Variants in GCA observed in about 807,000 individuals in gnomAD.
GCA encodes the protein grancalcin, EF-hand calcium-binding protein.
Under a neutral mutation model 32.6 loss-of-function variants are expected in GCA, and 30 were observed. That is an observed-to-expected ratio of 0.92 (90% CI 0.69 to 1.25). The LOEUF (loss-of-function observed/expected upper bound fraction) is 1.25. Among genes scored for constraint, GCA ranks in the 50% most tolerant of loss-of-function variants. GCA has a pLI of 0.00. For missense variants in GCA, 291 were observed against 266.8 expected (o/e 1.09, Z -0.63); for synonymous variants, 102 against 84.6 (o/e 1.21, Z -1.13).
At chr2:162,365,161 T>C (rs1685711865), downstream of GCA, among the ~76,000 whole-genome samples, 1 of 151,490 alleles carries the variant, frequency 6.6e-6, no homozygotes, top group African/African-American at 2.4e-5. Flanking sequence ...ATTTACTTTC[T>C]TTTTCCCCAA....
chr2:162,345,131 G>GGTGGTGGTTGTGGTTGTGGTTGTGGTT (rs146219747), intron 1 of GCA, among the ~76,000 whole-genome samples: 2 of 144,232 alleles, frequency 1.4e-5, no homozygotes, highest in African/African-American at 5.3e-5. Flanking sequence ...TGGTGGTGGT[G>GGTGGTGGTTGTGGTTGTGGTTGTGGTT]GTGGTTGTGG....
chr2:162,321,513 C>T (rs940779195), intron 1 of GCA, among the ~76,000 whole-genome samples: 4 of 152,024 alleles, frequency 2.6e-5, no homozygotes, highest in African/African-American at 7.2e-5. Context: ...TACTTGTTTG[C>T]TCATTTGTAT....
rs545778251 is a variant in GCA at position 162,360,945 on chromosome 2, C to A, written c.*702C>A. ...TAGTATTTCTCTCTGCGTCCTATTT[C>A]ATTAGTGAAGACATAGTTCACCTAA... On this transcript the variant is annotated 3_prime_UTR_variant, in exon 8 of 8. Coordinates refer to ENST00000437150, the MANE Select transcript of GCA (RefSeq NM_012198.5). The A allele has an allele frequency of 6.4e-5, 73 of 1,140,148 alleles. No homozygotes were observed. In the East Asian group the frequency reaches 2.8e-3, roughly 43 times the overall value. 70.6% of individuals were successfully genotyped at this position (1,140,148 alleles called of 1,614,324 possible). A position where few individuals can be genotyped will look rare whatever the true frequency, so the allele number is the denominator to read the frequency against.
rs1480538554 is a variant in GCA at position 162,362,807 on chromosome 2, G to A, written c.*2564G>A. 6.6e-6 allele frequency among the ~76,000 whole-genome samples: 1 copy of A among 151,238 alleles called. No individual in the cohort carries two copies. Among genetic ancestry groups the A allele is most frequent in the Non-Finnish European group, 1.5e-5 (1 of 67,502 alleles). Reference sequence around the variant, plus strand: ...TTACACATTTTAAATTACATCAAGGGTAAATCAATAGTATGGAAATCTTAA... The same window carrying A: ...TTACACATTTTAAATTACATCAAGGATAAATCAATAGTATGGAAATCTTAA... On this transcript the variant is annotated 3_prime_UTR_variant, in exon 8 of 8. Transcript: ENST00000437150.
At chr2:162,342,034 T>A (rs1447171265), upstream of GCA, among the ~76,000 whole-genome samples, 1 of 152,216 alleles carries the variant, frequency 6.6e-6, no homozygotes, top group Non-Finnish European at 1.5e-5. Context: ...GCAAATTTTT[T>A]AAATAGACAT....
chr2:162,344,357 C>A, intron 1 of GCA, 82 bp downstream of exon 1: 1 of 1,364,854 alleles, frequency 7.3e-7, no homozygotes, highest in South Asian at 1.2e-5. Context: ...GCGGGTCCGC[C>A]CTTGGCTCCT....
At position 162,362,134 on chromosome 2, in the gene GCA, A is replaced by C; in HGVS notation, c.*1891A>C. ...GGAGCTTCCATGGCCAAACATATTT[A>C]GAAACTCTCACTTTCTAAAGCTTGA... On this transcript the variant is annotated 3_prime_UTR_variant, in exon 8 of 8. Transcript: ENST00000437150. The C allele has an allele frequency of 1.0e-6, 1 of 984,694 alleles. No individual in the cohort carries two copies. Among genetic ancestry groups the C allele is most frequent in the Non-Finnish European group, 1.2e-6 (1 of 829,472 alleles). 61.0% of individuals were successfully genotyped at this position (984,694 alleles called of 1,614,324 possible).
At chr2:162,321,972 T>G (rs1683690606) in intron 1 of GCA, among the ~76,000 whole-genome samples, 1 of 139,428 alleles carries the variant, frequency 7.2e-6, no homozygotes, top group Admixed American at 7.2e-5. Context: ...AGCTAGCCAT[T>G]TAACTGAGAC....
chr2:162,360,151 T>A (rs945359878), intron 7 of GCA, 66 bp from the exon 8 acceptor site: 2 of 967,780 alleles, frequency 2.1e-6, no homozygotes, highest in East Asian at 5.6e-5. Context: ...TTATGGAATA[T>A]AATTAGTCAA....
At chr2:162,359,789 TA>T (rs889518983) in intron 7 of GCA, among the ~76,000 whole-genome samples, 73 of 148,398 alleles carry the variant, frequency 4.9e-4, no homozygotes, top group African/African-American at 8.1e-4. Flanking sequence ...TTTTTTGAAT[TA>T]AAAAAAAAAT....
intron 1 of GCA, among the ~76,000 whole-genome samples, chr2:162,329,982 C>T (rs1473327855): frequency 6.6e-6 from 1 of 152,178 alleles, no homozygotes; most frequent in Non-Finnish European, 1.5e-5. Context: ...GCTCCATCCA[C>T]GTCCGTGCAC....
chr2:162,327,842 A>C (rs962722398), intron 1 of GCA, among the ~76,000 whole-genome samples: 11 of 152,230 alleles, frequency 7.2e-5, no homozygotes, highest in Non-Finnish European at 1.5e-4. Context: ...CATTATAAAG[A>C]GATTAGAGCC....
In GCA at chr2:162,356,644, T is replaced by C. The variant is rs1685285670; in HGVS notation, c.307-114T>C. On this transcript the variant is annotated intron_variant, in intron 4 of 7. Coordinates refer to ENST00000437150, the MANE Select transcript of GCA (RefSeq NM_012198.5). ...GCTTTCTAGTTTTTATGCAGAAGTC[T>C]GTTCATATAATGAGTTTGGCTAAGT... is the stretch of plus-strand genomic sequence containing the variant. 1.2e-5 allele frequency: 10 copies of C among 869,064 alleles called. No individual in the cohort carries two copies. The South Asian group carries it at 1.5e-4, about 13-fold the overall frequency. The allele number at this position is 869,064 out of a possible 1,614,324, so 53.8% of individuals were successfully genotyped here. A position where few individuals can be genotyped will look rare whatever the true frequency, so the allele number is the denominator to read the frequency against.
chr2:162,331,309 G>A (rs896994895), intron 1 of GCA, among the ~76,000 whole-genome samples: 7 of 152,166 alleles, frequency 4.6e-5, no homozygotes, highest in African/African-American at 1.7e-4. Flanking sequence ...ACTGTGAAAG[G>A]GCCACAAGTA....
chr2:162,345,857 C>T (rs1334876189), intron 1 of GCA, among the ~76,000 whole-genome samples: 1 of 152,070 alleles, frequency 6.6e-6, no homozygotes, highest in Non-Finnish European at 1.5e-5. Context: ...GTTTATAAAT[C>T]CTGTTAAAGG....
At chr2:162,367,560 C>T (rs1437026204), downstream of GCA, among the ~76,000 whole-genome samples, 2 of 151,974 alleles carry the variant, frequency 1.3e-5, no homozygotes, top group Admixed American at 6.6e-5. Context: ...GATTGACACT[C>T]TCACTATTAT....
chr2:162,372,177 C>T (rs1685974805), downstream of GCA: 2 of 1,127,678 alleles, frequency 1.8e-6, no homozygotes, highest in East Asian at 4.9e-5. Flanking sequence ...AAAACTTAAG[C>T]ATTTTCTTTC....
intron 1 of GCA, among the ~76,000 whole-genome samples, chr2:162,339,084 C>G (rs1298203785): frequency 2.0e-5 from 3 of 152,140 alleles, no homozygotes; most frequent in Non-Finnish European, 4.4e-5. Context: ...TGCCAAGTGG[C>G]TGCTTGAGGT....
downstream of GCA, among the ~76,000 whole-genome samples, chr2:162,365,546 G>C (rs930662964): frequency 6.6e-6 from 1 of 151,610 alleles, no homozygotes; most frequent in African/African-American, 2.4e-5. Context: ...GTTTCATTTT[G>C]TTTAAAGCAT....
Sources: allele counts gnomAD v4.1 joint callset (sites outside exome capture counted in the v4.1 genomes callset), GRCh38; gene constraint gnomAD v4.1.1; transcripts MANE v1.5; gene names NCBI Gene and HGNC (gene_info 2026-07-23, HGNC 2026-07-21).